Variants in FBN1 observed in about 807,000 individuals in gnomAD.
FBN1 encodes the protein fibrillin-1.
FBN1 carries 29 observed loss-of-function variants against 365.1 expected under a neutral mutation model. The observed-to-expected ratio is 0.08, with a 90% confidence interval of 0.06 to 0.11. FBN1 has a LOEUF of 0.11. FBN1 is among the 10% of genes least tolerant of loss of function. The pLI is 1.00. For synonymous variants in FBN1, 1,210 were observed against 1,270.5 expected, an observed-to-expected ratio of 0.95 and a Z score of 1.01; for missense variants, 2,476 against 3,703.2, an observed-to-expected ratio of 0.67 and a Z score of 8.60.
rs866969575 is a variant in FBN1 at position 48,550,044 on chromosome 15, G to A, written c.539-12236C>T. Among the ~76,000 whole-genome samples the A allele has an allele frequency of 3.3e-5, 5 of 152,236 alleles. No individual in the cohort carries two copies. The South Asian group carries it at 6.2e-4, about 19-fold the overall frequency. ...CTTGCCCATTTAGGCAGAACACAGT[G>A]CAGGGCTAGAACCTAAAGACAATAA... On this transcript the variant is annotated intron_variant, in intron 6 of 65. Coordinates refer to ENST00000316623, the MANE Select transcript of FBN1 (RefSeq NM_000138.5).
At chr15:48,441,654 T>A in intron 50 of FBN1, 67 bp downstream of exon 50, 1 of 1,601,570 alleles carries the variant, frequency 6.2e-7, no homozygotes, top group Middle Eastern at 1.7e-4. Flanking sequence ...TTTGCCATGT[T>A]TGAAAAATAA....
At chr15:48,504,980 A>C (rs1387434015) in intron 16 of FBN1, 45 bp downstream of exon 16, 4 of 1,613,686 alleles carry the variant, frequency 2.5e-6, no homozygotes, top group East Asian at 4.5e-5. Flanking sequence ...ATTGAGTGAC[A>C]GAGGCTGAAC....
Position 48,437,157 on chromosome 15 carries a change from A to C in FBN1, c.6380-80T>G, listed in dbSNP as rs556904377. ...TAAATTATGATCATTTCAGTGTTTA[A>C]TCAAAAGATTATCTAATAATGCAAT... is the stretch of plus-strand genomic sequence containing the variant. On this transcript the variant is annotated intron_variant, in intron 52 of 65. Coordinates refer to ENST00000316623, the MANE Select transcript of FBN1 (RefSeq NM_000138.5). 73 of 1,190,222 alleles carry C rather than the reference A, an allele frequency of 6.1e-5. No homozygotes were observed. The South Asian group carries it at 8.1e-4, about 13-fold the overall frequency. The allele number at this position is 1,190,222 out of a possible 1,614,324, so 73.7% of individuals were successfully genotyped here.
At chr15:48,474,499 T>G (rs1210388509) in intron 33 of FBN1, 29 bp downstream of exon 33, 1 of 1,614,042 alleles carries the variant, frequency 6.2e-7, no homozygotes, top group African/African-American at 1.3e-5. Flanking sequence ...CAGTCCTTGA[T>G]AAGCAACCTC....
intron 2 of FBN1, among the ~76,000 whole-genome samples, chr15:48,627,349 G>A (rs1566941324): frequency 6.6e-6 from 1 of 152,224 alleles, no homozygotes; most frequent in African/African-American, 2.4e-5. Context: ...CAGAGAATGA[G>A]TATTCTGTCC....
Position 48,504,220 on chromosome 15 carries a change from C to T in FBN1, c.1961-281G>A, listed in dbSNP as rs1597574544. 2.0e-5 allele frequency among the ~76,000 whole-genome samples: 3 copies of T among 152,316 alleles called. No individual in the cohort carries two copies. The East Asian group carries it at 5.8e-4, about 29-fold the overall frequency. On this transcript the variant is annotated intron_variant, in intron 16 of 65. Transcript: ENST00000316623. ...AGGCCCTTCAATGCTGGAATTATAT[C>T]TCACTTATTTTGTCTTTCTCGGGCC...
At chr15:48,509,752 T>C (rs1010759431) in intron 14 of FBN1, among the ~76,000 whole-genome samples, 25 of 151,942 alleles carry the variant, frequency 1.6e-4, no homozygotes, top group Non-Finnish European at 3.7e-4. Flanking sequence ...TTTTAAAAAA[T>C]GTACAAATTC....
At chr15:48,594,325 G>A (rs1462478161) in intron 6 of FBN1, among the ~76,000 whole-genome samples, 2 of 152,116 alleles carry the variant, frequency 1.3e-5, no homozygotes, top group African/African-American at 2.4e-5. Flanking sequence ...TGCTACTAAC[G>A]GGCAAGCCTG....
At chr15:48,496,296 A>G (rs1323169820) in intron 19 of FBN1, 71 bp from the exon 20 acceptor site, 4 of 1,592,014 alleles carry the variant, frequency 2.5e-6, no homozygotes, top group South Asian at 2.2e-5. Flanking sequence ...GCTCTTTTAC[A>G]TTAGATCTTT....
At chr15:48,566,004 AT>A (rs2044256620) in intron 6 of FBN1, among the ~76,000 whole-genome samples, 1 of 152,120 alleles carries the variant, frequency 6.6e-6, no homozygotes, top group Non-Finnish European at 1.5e-5. Context: ...GTAAACCAGA[AT>A]TTTTTTCTTA....
At chr15:48,577,234 A>G (rs906928189) in intron 6 of FBN1, among the ~76,000 whole-genome samples, 1 of 152,122 alleles carries the variant, frequency 6.6e-6, no homozygotes, top group Non-Finnish European at 1.5e-5. Context: ...CATTATTTTC[A>G]GGTCTAGCCA....
chr15:48,564,304 T>C (rs2044244464), intron 6 of FBN1, among the ~76,000 whole-genome samples: 1 of 152,186 alleles, frequency 6.6e-6, no homozygotes, highest in African/African-American at 2.4e-5. Flanking sequence ...GATTATTTGT[T>C]GGACAGCACC....
At chr15:48,532,772 G>T (rs952638116) in intron 8 of FBN1, among the ~76,000 whole-genome samples, 2 of 152,050 alleles carry the variant, frequency 1.3e-5, no homozygotes, top group Non-Finnish European at 2.9e-5. Context: ...TAGATCTACA[G>T]TACAACTTCT....
intron 6 of FBN1, among the ~76,000 whole-genome samples, chr15:48,539,689 A>G (rs2044042170): frequency 6.6e-6 from 1 of 152,148 alleles, no homozygotes; most frequent in Non-Finnish European, 1.5e-5. Flanking sequence ...CAGACTCACC[A>G]TGCCAAAAGA....
At chr15:48,417,863 C>T (rs1030872203) in intron 63 of FBN1, among the ~76,000 whole-genome samples, 19 of 152,196 alleles carry the variant, frequency 1.2e-4, no homozygotes, top group Admixed American at 9.2e-4. Flanking sequence ...GTCCATCCTC[C>T]ATCCTCTCCA....
intron 32 of FBN1, among the ~76,000 whole-genome samples, chr15:48,481,076 T>C (rs1363921837): frequency 3.9e-5 from 6 of 152,218 alleles, no homozygotes; most frequent in Non-Finnish European, 7.4e-5. Context: ...TCATGTGCTA[T>C]TGGTAACAGA....
chr15:48,487,184 C>T lies in FBN1; in HGVS notation c.3480G>A (p.Glu1160=), dbSNP rs149625173. 8.1e-6 allele frequency: 13 copies of T among 1,614,066 alleles called. No individual in the cohort carries two copies. The Admixed American group carries it at 8.3e-5, about 10-fold the overall frequency. The change falls in exon 29 of 66, where the codon GAG becomes GAA. Residue 1160 remains glutamate (E), a synonymous_variant. Coordinates refer to ENST00000316623, the MANE Select transcript of FBN1 (RefSeq NM_000138.5). The part of the protein sequence containing the change: ...ISACIDINEC[E]LSAHLCPNGR... ...CATTGGGGCACAGGTGTGCACTCAGCTCACATTCATTGATGTCTGTCGGGA... is the reference window on the plus strand; with the variant it reads ...CATTGGGGCACAGGTGTGCACTCAGTTCACATTCATTGATGTCTGTCGGGA...
At position 48,503,938 on chromosome 15, in the gene FBN1, G is replaced by T; in HGVS notation, c.1962C>A (p.Asp654Glu). 6.2e-7 allele frequency: 1 copy of T among 1,614,140 alleles called. No homozygotes were observed. The highest frequency in any genetic ancestry group is 8.5e-7 in the Non-Finnish European group (1 of 1,180,030). Residue 654 changes from aspartate to glutamate, a missense_variant and splice_region_variant, in exon 17 of 66, where the codon GAC (aspartate) becomes GAA (glutamate). Transcript: ENST00000316623. Reference protein sequence around the residue: ...AVGLDGRVCVDTHMRSTCYGG... With the variant: ...AVGLDGRVCVETHMRSTCYGG... Reference sequence around the variant, plus strand: ...CATAGCATGTGCTCCGCATGTGTGTGTCTAAACAGGAAGAAGCATCTGTCA... The same window carrying T: ...CATAGCATGTGCTCCGCATGTGTGTTTCTAAACAGGAAGAAGCATCTGTCA...
At chr15:48,490,147 C>A in intron 24 of FBN1, 69 bp from the exon 25 acceptor site, 3 of 1,294,450 alleles carry the variant, frequency 2.3e-6, no homozygotes, top group African/African-American at 1.5e-5. Context: ...TGCCAACACT[C>A]TGTTAGGTAA....
Sources: allele counts gnomAD v4.1 joint callset (sites outside exome capture counted in the v4.1 genomes callset), GRCh38; gene constraint gnomAD v4.1.1; transcripts MANE v1.5; gene names NCBI Gene and HGNC (gene_info 2026-07-23, HGNC 2026-07-21).